Variants in SCAF4 observed in about 807,000 individuals in gnomAD.
SCAF4 encodes the protein SR-related CTD associated factor 4, also known as SR-related and CTD-associated factor 4.
A neutral mutation model predicts 129.8 loss-of-function variants in SCAF4; 25 were observed. The observed-to-expected ratio is 0.19, with a 90% CI of 0.14 to 0.27. SCAF4 has a LOEUF of 0.27. Ranked by LOEUF, SCAF4 falls within the 10% of genes least tolerant of loss-of-function variation. The pLI is 1.00. For synonymous variants in SCAF4, 551 were observed against 497.7 expected (o/e 1.11, Z -1.43); for missense variants, 1,246 against 1,457.1 (o/e 0.86, Z 2.36).
intron 1 of SCAF4, among the ~76,000 whole-genome samples, chr21:31,725,982 T>C (rs1601284273): frequency 6.6e-6 from 1 of 152,234 alleles, no homozygotes; most frequent in East Asian, 1.9e-4. Flanking sequence ...TTTAAATTTC[T>C]AATATGGTAA....
At chr21:31,716,614 C>T (rs1011649860) in intron 1 of SCAF4, among the ~76,000 whole-genome samples, 1 of 152,158 alleles carries the variant, frequency 6.6e-6, no homozygotes. Flanking sequence ...TAATTTTAAA[C>T]AAGTTTTAAA....
chr21:31,681,569 G>T (rs2049995275), intron 19 of SCAF4, among the ~76,000 whole-genome samples: 1 of 152,150 alleles, frequency 6.6e-6, no homozygotes, highest in East Asian at 1.9e-4. Context: ...TCTCCTAAGT[G>T]ACCAACAACT....
intron 16 of SCAF4, 30 bp downstream of exon 16, chr21:31,688,277 A>C: frequency 6.3e-7 from 1 of 1,597,696 alleles, no homozygotes; most frequent in Non-Finnish European, 8.5e-7. Context: ...TCAGGCACTT[A>C]AAGTTTAAGT....
rs748834588 is a variant in SCAF4 at position 31,671,946 on chromosome 21, T to G, written c.2897A>C (p.Gln966Pro). 3.1e-5 allele frequency: 41 copies of G among 1,338,676 alleles called. No homozygotes were observed. Among genetic ancestry groups the G allele is most frequent in the East Asian group, 7.4e-5 (3 of 40,450 alleles). 82.9% of individuals were successfully genotyped at this position (1,338,676 alleles called of 1,614,324 possible). ...TGGAGGCTGTTGTGATGGTGGTGGC[T>G]GCTGCTGCTGCTGCTGCTGTGGTTG... is the stretch of plus-strand genomic sequence containing the variant. ...PQQPQQQQQQ[Q>P]PPPSQQPPPT... Residue 966 changes from glutamine to proline, a missense_variant, in exon 20 of 20, where the codon CAG becomes CCG. Physicochemically the swap from Gln to Pro is moderately conservative, Grantham distance 76. Around this residue, in one of 6 missense-constraint regions of SCAF4, gnomAD observed 339 missense variants for 325.0 expected, o/e 1.04. Coordinates refer to ENST00000286835, the MANE Select transcript of SCAF4 (RefSeq NM_020706.2).
At chr21:31,721,996 A>T (rs1169054202) in intron 1 of SCAF4, among the ~76,000 whole-genome samples, 1 of 152,158 alleles carries the variant, frequency 6.6e-6, no homozygotes, top group Non-Finnish European at 1.5e-5. Context: ...CTGGGATTAC[A>T]GGCGTGAGCC....
At chr21:31,702,053 A>G in intron 5 of SCAF4, 135 bp from the exon 6 acceptor site, 1 of 1,245,770 alleles carries the variant, frequency 8.0e-7, no homozygotes, top group East Asian at 2.5e-5. Flanking sequence ...ACTAGAGTTT[A>G]TACTGTAACA....
At chr21:31,713,820 A>T (rs1353699118) in intron 1 of SCAF4, among the ~76,000 whole-genome samples, 1 of 152,178 alleles carries the variant, frequency 6.6e-6, no homozygotes, top group East Asian at 1.9e-4. Context: ...AATCAAGTTT[A>T]GATACACATA....
chr21:31,720,395 T>G (rs1217121768), intron 1 of SCAF4, among the ~76,000 whole-genome samples: 1 of 152,232 alleles, frequency 6.6e-6, no homozygotes, highest in Non-Finnish European at 1.5e-5. Flanking sequence ...ACCTTGTTAT[T>G]CTTAAACTGT....
At position 31,731,929 on chromosome 21, in the gene SCAF4, C is replaced by T. The variant is rs1333475339; in HGVS notation, c.-237G>A. 4 of 490,318 alleles carry T rather than the reference C, an allele frequency of 8.2e-6. No homozygotes were observed. The highest frequency in any genetic ancestry group is 1.4e-5 in the Non-Finnish European group (4 of 282,908). 30.4% of individuals were successfully genotyped at this position (490,318 alleles called of 1,614,324 possible). On this transcript the variant is annotated 5_prime_UTR_variant, in exon 1 of 20. Transcript: ENST00000286835. ...CGTTCGCAGGATGAGGAAAAGGAGG[C>T]GGCGGCAGCGCTGGTCTTCAACATG...
At chr21:31,672,377 A>AG (rs2049732094) in intron 19 of SCAF4, 23 bp from the exon 20 acceptor site, 1 of 1,563,184 alleles carries the variant, frequency 6.4e-7, no homozygotes, top group East Asian at 2.2e-5. Flanking sequence ...AAAAATAAAA[A>AG]TGTAAACACC....
intron 1 of SCAF4, among the ~76,000 whole-genome samples, chr21:31,727,255 T>C (rs951177653): frequency 7.9e-5 from 12 of 152,094 alleles, no homozygotes; most frequent in Non-Finnish European, 1.3e-4. Flanking sequence ...ATTTTTTGTA[T>C]TTTTAGTAGA....
intron 7 of SCAF4, chr21:31,700,713 TTC>T (rs2050504712): frequency 7.3e-6 from 3 of 413,518 alleles, no homozygotes; most frequent in South Asian, 5.3e-5. Flanking sequence ...ATGAAGAATT[TTC>T]TGTTTCCTTT....
chr21:31,691,615 C>A (rs2050261225), intron 14 of SCAF4, among the ~76,000 whole-genome samples: 1 of 148,916 alleles, frequency 6.7e-6, no homozygotes, highest in South Asian at 2.1e-4. Flanking sequence ...TTCTACCATG[C>A]ACGTAACATT....
At chr21:31,678,657 G>A (rs1220741307) in intron 19 of SCAF4, among the ~76,000 whole-genome samples, 1 of 152,026 alleles carries the variant, frequency 6.6e-6, no homozygotes, top group African/African-American at 2.4e-5. Flanking sequence ...TTCCTGCTGT[G>A]GTCCTTCAAC....
intron 16 of SCAF4, 130 bp from the exon 17 acceptor site, chr21:31,685,863 TA>T: frequency 7.3e-6 from 6 of 818,336 alleles, no homozygotes; most frequent in Non-Finnish European, 9.3e-6. Flanking sequence ...ACCAATTTAT[TA>T]AATAACAGGT....
intron 1 of SCAF4, 43 bp downstream of exon 1, chr21:31,731,620 C>A (rs1461521754): frequency 6.3e-7 from 1 of 1,582,468 alleles, no homozygotes; most frequent in Admixed American, 1.7e-5. Flanking sequence ...AGCCCCGGCT[C>A]CCGCAGCAGG....
Position 31,696,665 on chromosome 21 carries a change from G to C in SCAF4, c.863C>G (p.Thr288Arg). ...KKEDTTAVTT[T>R]APAAAVPPAP... ...AGGGGGTACTGCGGCAGCAGGTGCT[G>C]TCGTGGTGACGGCAGTGGTATCCTC... Residue 288 changes from threonine to arginine, a missense_variant, in exon 8 of 20, where the codon ACA becomes AGA. Physicochemically the swap from Thr to Arg is moderately conservative, Grantham distance 71. Around this residue, in one of 6 missense-constraint regions of SCAF4, gnomAD observed 236 missense variants for 210.0 expected, o/e 1.12. Coordinates refer to ENST00000286835, the MANE Select transcript of SCAF4 (RefSeq NM_020706.2). 5.6e-6 allele frequency: 9 copies of C among 1,614,090 alleles called. No individual in the cohort carries two copies. Among genetic ancestry groups the C allele is most frequent in the Non-Finnish European group, 7.6e-6 (9 of 1,179,958 alleles).
intron 15 of SCAF4, among the ~76,000 whole-genome samples, chr21:31,688,920 A>G (rs2050192527): frequency 1.3e-5 from 2 of 152,238 alleles, no homozygotes; most frequent in Admixed American, 1.3e-4. Flanking sequence ...CATTTCACTA[A>G]TATTAAAGAA....
chr21:31,712,498 G>A (rs777578084), intron 1 of SCAF4, among the ~76,000 whole-genome samples: 1 of 150,010 alleles, frequency 6.7e-6, no homozygotes, highest in Non-Finnish European at 1.5e-5. Context: ...CATTACAGGC[G>A]AGAGCCACCA....
Sources: gnomAD v4.1 joint callset for allele counts (sites outside exome capture counted in the v4.1 genomes callset) on GRCh38, gnomAD v4.1.1 for gene constraint, gnomAD v4.1.1 regional missense constraint, MANE v1.5 for transcripts, NCBI Gene and HGNC (gene_info 2026-07-23, HGNC 2026-07-21) for gene names.